Variants in UNC5D observed in about 807,000 individuals in gnomAD.
UNC5D encodes unc-5 netrin receptor D.
A neutral mutation model predicts 105.4 loss-of-function variants in UNC5D; 39 were observed. The ratio of observed to expected loss-of-function variants is 0.37; its 90% CI spans 0.29 to 0.48. UNC5D has a LOEUF of 0.48. UNC5D is among the 20% of genes least tolerant of loss of function. UNC5D has a pLI of 0.98. For missense variants in UNC5D, 991 were observed against 1,202.4 expected, an observed-to-expected ratio of 0.82 and a Z score of 2.60; for synonymous variants, 452 against 450.4, an observed-to-expected ratio of 1.00 and a Z score of -0.04.
At chr8:35,326,106 C>A (rs1329883621) in intron 1 of UNC5D, among the ~76,000 whole-genome samples, 1 of 152,176 alleles carries the variant, frequency 6.6e-6, no homozygotes, top group Non-Finnish European at 1.5e-5. Flanking sequence ...CTACCAAATT[C>A]TCTTAATATA....
chr8:35,724,189 C>A, intron 9 of UNC5D: 1 of 1,495,800 alleles, frequency 6.7e-7, no homozygotes, highest in South Asian at 1.3e-5. Context: ...TATTGTAAAT[C>A]TCTAAGACAA....
At chr8:35,248,537 A>T (rs1803366019) in intron 1 of UNC5D, among the ~76,000 whole-genome samples, 1 of 31,948 alleles carries the variant, frequency 3.1e-5, no homozygotes. Context: ...GTTATATATG[A>T]AATAGATATA....
At chr8:35,562,160 T>C (rs565314636) in intron 2 of UNC5D, among the ~76,000 whole-genome samples, 9 of 152,330 alleles carry the variant, frequency 5.9e-5, no homozygotes, top group African/African-American at 1.9e-4. Context: ...ACTTAACATA[T>C]GACCTCCAGT....
At chr8:35,651,594 C>T (rs574183633) in intron 4 of UNC5D, among the ~76,000 whole-genome samples, 8 of 152,322 alleles carry the variant, frequency 5.3e-5, no homozygotes, top group Admixed American at 5.2e-4. Context: ...TAAAACCCTG[C>T]TGGGTGAATT....
chr8:35,321,480 C>T (rs1809737689), intron 1 of UNC5D, among the ~76,000 whole-genome samples: 1 of 152,072 alleles, frequency 6.6e-6, no homozygotes, highest in Non-Finnish European at 1.5e-5. Flanking sequence ...CTTCTGCTGC[C>T]TTGTGGAGGA....
intron 1 of UNC5D, among the ~76,000 whole-genome samples, chr8:35,456,854 A>C (rs1007662918): frequency 1.3e-5 from 2 of 152,206 alleles, no homozygotes; most frequent in Non-Finnish European, 2.9e-5. Flanking sequence ...AACATGCATT[A>C]TACGATGGAT....
At chr8:35,512,535 G>GTGTA (rs1163798673) in intron 1 of UNC5D, among the ~76,000 whole-genome samples, 62 of 33,412 alleles carry the variant, frequency 1.9e-3, no homozygotes, top group Middle Eastern at 0.018. Context: ...ATTCAGATAT[G>GTGTA]TATGTATATA....
At chr8:35,684,263 G>C (rs1435572023) in intron 5 of UNC5D, among the ~76,000 whole-genome samples, 1 of 152,228 alleles carries the variant, frequency 6.6e-6, no homozygotes, top group Non-Finnish European at 1.5e-5. Flanking sequence ...TAAAGTCATA[G>C]AAATTCAAAT....
intron 1 of UNC5D, among the ~76,000 whole-genome samples, chr8:35,518,038 T>C (rs1346213567): frequency 6.6e-6 from 1 of 152,096 alleles, no homozygotes; most frequent in African/African-American, 2.4e-5. Context: ...AACATGAATT[T>C]TGGGGGGGGC....
chr8:35,414,889 C>G (rs1261993519), intron 1 of UNC5D, among the ~76,000 whole-genome samples: 1 of 152,018 alleles, frequency 6.6e-6, no homozygotes, highest in Non-Finnish European at 1.5e-5. Context: ...AGGCCCTGAA[C>G]AAGAAGACTC....
At chr8:35,445,352 C>A (rs933902647) in intron 1 of UNC5D, among the ~76,000 whole-genome samples, 1 of 152,046 alleles carries the variant, frequency 6.6e-6, no homozygotes, top group Non-Finnish European at 1.5e-5. Context: ...TGGTAGAAAT[C>A]TTTAAACCTG....
chr8:35,265,286 CT>C (rs964760855), intron 1 of UNC5D, among the ~76,000 whole-genome samples: 6 of 151,310 alleles, frequency 4.0e-5, no homozygotes, highest in South Asian at 4.2e-4. Context: ...TATGCTAGGT[CT>C]TTTTTTTTCC....
Position 35,235,709 on chromosome 8 carries a change from G to A in UNC5D, c.-76G>A. On this transcript the variant is annotated 5_prime_UTR_variant, in exon 1 of 17. Transcript: ENST00000404895. ...AAGACTCCCGAGACCCATTCGACTCGGGACCCTCATCGCCGACCCTTTCCC... is the reference window on the plus strand; with the variant it reads ...AAGACTCCCGAGACCCATTCGACTCAGGACCCTCATCGCCGACCCTTTCCC... The A allele has an allele frequency of 1.8e-6, 2 of 1,118,112 alleles. No homozygotes were observed. Among genetic ancestry groups the A allele is most frequent in the Non-Finnish European group, 2.3e-6 (2 of 885,130 alleles). 69.3% of individuals were successfully genotyped at this position (1,118,112 alleles called of 1,614,324 possible). A position where few individuals can be genotyped will look rare whatever the true frequency, so the allele number is the denominator to read the frequency against.
chr8:35,240,461 G>A (rs191402380), intron 1 of UNC5D, among the ~76,000 whole-genome samples: 34 of 152,162 alleles, frequency 2.2e-4, no homozygotes, highest in African/African-American at 7.0e-4. Flanking sequence ...CCTAATAATA[G>A]TACTTACTTC....
intron 1 of UNC5D, among the ~76,000 whole-genome samples, chr8:35,333,283 T>C (rs1180986119): frequency 5.3e-5 from 8 of 152,164 alleles, no homozygotes; most frequent in Non-Finnish European, 8.8e-5. Context: ...ATCGTGCCAC[T>C]GCATGCCACC....
intron 1 of UNC5D, among the ~76,000 whole-genome samples, chr8:35,420,742 C>CTTTTTTTTTT (rs11463747): frequency 6.7e-6 from 1 of 148,926 alleles, no homozygotes; most frequent in Non-Finnish European, 1.5e-5. Context: ...ATACCATGGG[C>CTTTTTTTTTT]TTTTTTTTTT....
chr8:35,344,855 G>T (rs1470383503), intron 1 of UNC5D, among the ~76,000 whole-genome samples: 1 of 151,940 alleles, frequency 6.6e-6, no homozygotes, highest in East Asian at 1.9e-4. Context: ...ATTCCTTTAA[G>T]AAGCACACGT....
intron 1 of UNC5D, among the ~76,000 whole-genome samples, chr8:35,501,850 G>A (rs1454154095): frequency 6.6e-6 from 1 of 152,144 alleles, no homozygotes. Context: ...ATAAAACTTT[G>A]TGTGTTGAAG....
intron 14 of UNC5D, among the ~76,000 whole-genome samples, chr8:35,760,358 T>A (rs1352798237): frequency 6.6e-6 from 1 of 152,064 alleles, no homozygotes; most frequent in African/African-American, 2.4e-5. Context: ...ACGCCTTTCT[T>A]AAGAGTCCTT....
Sources: gnomAD v4.1 joint callset for allele counts (sites outside exome capture counted in the v4.1 genomes callset) on GRCh38, gnomAD v4.1.1 for gene constraint, MANE v1.5 for transcripts, NCBI Gene and HGNC (gene_info 2026-07-23, HGNC 2026-07-21) for gene names.